MAST2: variants seen among roughly 807,000 people sequenced by gnomAD.
The protein encoded by MAST2 is microtubule-associated serine/threonine-protein kinase 2.
MAST2 carries 70 observed loss-of-function variants against 147.4 expected under a neutral mutation model. The observed-to-expected ratio is 0.47, with a 90% CI of 0.39 to 0.58. MAST2 has a LOEUF of 0.58. Ranked by LOEUF, MAST2 falls within the 20% of genes least tolerant of loss-of-function variation. MAST2 has a pLI of 0.00. For missense variants in MAST2, 2,080 were observed against 2,302.3 expected, an observed-to-expected ratio of 0.90 and a Z score of 1.98; for synonymous variants, 869 against 896.8, an observed-to-expected ratio of 0.97 and a Z score of 0.55.
chr1:45,837,251 C>T (rs948103136), intron 3 of MAST2, among the ~76,000 whole-genome samples: 3 of 152,336 alleles, frequency 2.0e-5, no homozygotes, highest in African/African-American at 4.8e-5. Context: ...ACCCCAAGTT[C>T]GCTTGTGTCC....
intron 1 of MAST2, among the ~76,000 whole-genome samples, chr1:45,812,614 C>T (rs1557794247): frequency 6.6e-6 from 1 of 151,976 alleles, no homozygotes; most frequent in African/African-American, 2.4e-5. Context: ...TTAGTAGAGA[C>T]TAGGTTTCTC....
chr1:45,964,831 T>G (rs1660941552), intron 5 of MAST2, among the ~76,000 whole-genome samples: 1 of 152,226 alleles, frequency 6.6e-6, no homozygotes, highest in African/African-American at 2.4e-5. Context: ...CTTTAGATCT[T>G]TCCTGCTTTC....
rs537375462 is a variant in MAST2, at chr1:45,855,577, A to G, written c.468+25996A>G. On this transcript the variant is annotated intron_variant, in intron 3 of 28. Transcript: ENST00000361297. ...GGGGTTGAAATTTAAGAGGTCAGAT[A>G]GAAAAAAGAAATGAGATGAAACTTT... Among the ~76,000 whole-genome samples, 10 of 152,282 alleles carry G rather than the reference A, an allele frequency of 6.6e-5. No individual in the cohort carries two copies. In the South Asian group the frequency reaches 1.9e-3, roughly 28 times the overall value.
At chr1:45,999,421 AC>A (rs1346602953) in intron 6 of MAST2, among the ~76,000 whole-genome samples, 2 of 152,022 alleles carry the variant, frequency 1.3e-5, no homozygotes, top group Non-Finnish European at 2.9e-5. Flanking sequence ...TATAAACTGT[AC>A]TCTCAGAGTA....
intron 4 of MAST2, among the ~76,000 whole-genome samples, chr1:45,888,661 C>CTGTTTTT: frequency 1.3e-5 from 1 of 74,996 alleles, no homozygotes; most frequent in Non-Finnish European, 2.6e-5. Context: ...CGCGCGCGGC[C>CTGTTTTT]TCTTTTTTTT....
intron 3 of MAST2, among the ~76,000 whole-genome samples, chr1:45,877,284 G>T (rs1006645572): frequency 1.3e-5 from 2 of 152,170 alleles, no homozygotes; most frequent in East Asian, 1.9e-4. Context: ...TTGAGATGGG[G>T]TCTTGCTCTG....
At chr1:45,883,913 C>CCCCCCCCCCCCCCCCA (rs1553221940) in intron 4 of MAST2, among the ~76,000 whole-genome samples, 1 of 34,990 alleles carries the variant, frequency 2.9e-5, no homozygotes, top group Non-Finnish European at 6.0e-5. Context: ...ACTATTTCTG[C>CCCCCCCCCCCCCCCCA]CCCCCCCGCT....
At chr1:45,933,434 TC>T (rs1655675385) in intron 4 of MAST2, among the ~76,000 whole-genome samples, 1 of 152,098 alleles carries the variant, frequency 6.6e-6, no homozygotes, top group African/African-American at 2.4e-5. Context: ...ATTTGTAACT[TC>T]CTTCTTTGAA....
At chr1:45,850,213 T>G (rs900043606) in intron 3 of MAST2, among the ~76,000 whole-genome samples, 2 of 152,230 alleles carry the variant, frequency 1.3e-5, no homozygotes, top group Non-Finnish European at 2.9e-5. Context: ...ATGTGGAGCA[T>G]GTTTTCATGT....
chr1:46,026,183 C>A (rs981245033), intron 16 of MAST2, among the ~76,000 whole-genome samples: 1 of 152,178 alleles, frequency 6.6e-6, no homozygotes. Flanking sequence ...TAGTCCCTGG[C>A]ATGTAGAACT....
chr1:45,891,630 C>G (rs72690889), intron 4 of MAST2, among the ~76,000 whole-genome samples: 1 of 151,908 alleles, frequency 6.6e-6, no homozygotes, highest in Non-Finnish European at 1.5e-5. Flanking sequence ...TATCTAGTAA[C>G]CTTTTTTTCT....
chr1:45,905,934 A>G (rs572517309), intron 4 of MAST2, among the ~76,000 whole-genome samples: 1 of 152,202 alleles, frequency 6.6e-6, no homozygotes, highest in African/African-American at 2.4e-5. Flanking sequence ...CGAGGGTTCC[A>G]GTTGGCCCAC....
At chr1:46,026,969 G>A (rs1037887677) in intron 16 of MAST2, among the ~76,000 whole-genome samples, 2 of 152,102 alleles carry the variant, frequency 1.3e-5, no homozygotes, top group African/African-American at 4.8e-5. Context: ...ACATTTCAGG[G>A]GCCAGAATAT....
chr1:45,899,228 T>C (rs1389612332), intron 4 of MAST2, among the ~76,000 whole-genome samples: 1 of 152,034 alleles, frequency 6.6e-6, no homozygotes, highest in African/African-American at 2.4e-5. Context: ...TTTTTTTTAA[T>C]TAAATTTTAT....
intron 8 of MAST2, 75 bp downstream of exon 8, chr1:46,006,470 C>G: frequency 2.0e-6 from 3 of 1,479,570 alleles, no homozygotes; most frequent in Non-Finnish European, 2.7e-6. Flanking sequence ...GGTGGGCACA[C>G]TATGCTATAA....
Position 45,824,577 on chromosome 1 carries a change from T to G in MAST2, c.322T>G (p.Ser108Ala), listed in dbSNP as rs1451269633. ...LWRGNLASSL[S>A]GKQLLPLSSS... ...GAGAGGAAACCTGGCCAGCTCTCTA[T>G]CGGGTAAATATCTGATTTTGTTGTT... is the stretch of plus-strand genomic sequence containing the variant. Residue 108 changes from serine to alanine, a missense_variant, in exon 2 of 29, where the codon TCG becomes GCG. Physicochemically the swap from Ser to Ala is moderately conservative, Grantham distance 99. This residue lies in a region of MAST2 where 569 missense variants were observed against 642.5 expected (regional missense o/e 0.89). Transcript: ENST00000361297. 1.9e-6 allele frequency: 3 copies of G among 1,587,958 alleles called. No individual in the cohort carries two copies. The African/African-American group carries it at 4.0e-5, about 21-fold the overall frequency.
At chr1:45,811,789 AC>A (rs1208087911) in intron 1 of MAST2, among the ~76,000 whole-genome samples, 1 of 146,460 alleles carries the variant, frequency 6.8e-6, no homozygotes, top group African/African-American at 2.6e-5. Flanking sequence ...GCCCGCCACC[AC>A]GCCCAGCTAA....
At chr1:46,029,326 TG>T in intron 18 of MAST2, 139 bp from the exon 19 acceptor site, 1 of 631,446 alleles carries the variant, frequency 1.6e-6, no homozygotes. Context: ...ATTTAAGGAC[TG>T]GGGTCCCAGG....
At chr1:45,874,654 ATT>A (rs1224197906) in intron 3 of MAST2, among the ~76,000 whole-genome samples, 1 of 152,222 alleles carries the variant, frequency 6.6e-6, no homozygotes, top group Non-Finnish European at 1.5e-5. Flanking sequence ...GGATTCATAG[ATT>A]TATTCATCCA....
Sources: allele counts gnomAD v4.1 joint callset (sites outside exome capture counted in the v4.1 genomes callset), GRCh38; gene constraint gnomAD v4.1.1; regional missense constraint gnomAD v4.1.1; transcripts MANE v1.5; gene names NCBI Gene and HGNC (gene_info 2026-07-23, HGNC 2026-07-21).